The following EHD1 variants were observed in gnomAD, a reference collection of about 807,000 sequenced individuals.
EHD1 encodes the protein EH domain-containing protein 1.
Under a neutral mutation model 39.0 loss-of-function variants are expected in EHD1, and 19 were observed. The ratio of observed to expected loss-of-function variants is 0.49; its 90% confidence interval spans 0.34 to 0.72. The LOEUF is 0.72. Ranked by LOEUF, EHD1 falls within the 30% of genes least tolerant of loss-of-function variation. EHD1 has a pLI of 0.01. For missense variants in EHD1, 542 were observed against 751.5 expected, an observed-to-expected ratio of 0.72 and a Z score of 3.26; for synonymous variants, 323 against 331.2, an observed-to-expected ratio of 0.98 and a Z score of 0.27.
At chr11:64,860,502 A>C (rs180739097) in intron 2 of EHD1, among the ~76,000 whole-genome samples, 166 bp from the exon 3 acceptor site, 1 of 152,216 alleles carries the variant, frequency 6.6e-6, no homozygotes, top group African/African-American at 2.4e-5. Context: ...TGGGAGGCCA[A>C]GGTGGGAGGA....
intron 4 of EHD1, 175 bp from the exon 5 acceptor site, chr11:64,855,032 TC>T: frequency 1.1e-6 from 1 of 877,558 alleles, no homozygotes; most frequent in Non-Finnish European, 1.7e-6. Flanking sequence ...AGGAGGCACC[TC>T]CAGCTCTTTC....
intron 3 of EHD1, chr11:64,859,700 C>A (rs770208317): frequency 4.9e-6 from 3 of 610,182 alleles, no homozygotes; most frequent in Non-Finnish European, 8.2e-6. Flanking sequence ...AAACCACAAA[C>A]AGAACAGGTT....
intron 2 of EHD1, among the ~76,000 whole-genome samples, chr11:64,869,188 A>G (rs546074914): frequency 6.6e-6 from 1 of 152,374 alleles, no homozygotes; most frequent in African/African-American, 2.4e-5. Context: ...TCCCCAGCCC[A>G]CCGCCAGTGC....
At position 64,854,322 on chromosome 11, in the gene EHD1, G is replaced by T. The variant is rs370511627; in HGVS notation, c.*11C>A. ...CGGGCGTGCAAATGGCAGGTGCGGG[G>T]CCGGGCGCCATCACTCATGTCTGCG... On this transcript the variant is annotated 3_prime_UTR_variant, in exon 5 of 5. Coordinates refer to ENST00000320631, the MANE Select transcript of EHD1 (RefSeq NM_006795.4). The T allele has an allele frequency of 6.0e-5, 96 of 1,593,048 alleles. No individual in the cohort carries two copies. The highest frequency in any genetic ancestry group is 7.9e-5 in the Non-Finnish European group (93 of 1,171,526).
In EHD1 at chr11:64,854,272, C is replaced by T; in HGVS notation, c.*61G>A. 1 of 1,522,432 alleles carries T rather than the reference C, an allele frequency of 6.6e-7. No individual in the cohort carries two copies. 94.3% of individuals were successfully genotyped at this position (1,522,432 alleles called of 1,614,324 possible). A position where few individuals can be genotyped will look rare whatever the true frequency, so the allele number is the denominator to read the frequency against. ...GACCTTGAGAAATGGTGAGGCTTCCCCTCCCCCCGTCTCTGCCTCCCGGCC... is the reference window on the plus strand; with the variant it reads ...GACCTTGAGAAATGGTGAGGCTTCCTCTCCCCCCGTCTCTGCCTCCCGGCC... On this transcript the variant is annotated 3_prime_UTR_variant, in exon 5 of 5. Transcript: ENST00000320631.
chr11:64,879,675 T>G, upstream of EHD1: 1 of 1,550,206 alleles, frequency 6.5e-7, no homozygotes, highest in Non-Finnish European at 8.7e-7. Flanking sequence ...CACAGACCCC[T>G]TTGGCTGTCC....
intron 2 of EHD1, among the ~76,000 whole-genome samples, chr11:64,871,366 C>T (rs1052393815): frequency 1.1e-4 from 17 of 152,290 alleles, no homozygotes; most frequent in African/African-American, 2.9e-4. Context: ...ACAGGCCACA[C>T]GGGCCTTTCC....
chr11:64,859,106 G>A (rs1432309208), intron 3 of EHD1, among the ~76,000 whole-genome samples: 1 of 152,286 alleles, frequency 6.6e-6, no homozygotes, highest in African/African-American at 2.4e-5. Flanking sequence ...TGCTCGCTCC[G>A]AGACGACACA....
chr11:64,855,725 C>T, intron 3 of EHD1: 1 of 553,036 alleles, frequency 1.8e-6, no homozygotes, highest in Non-Finnish European at 3.2e-6. Flanking sequence ...CAGGAAAACG[C>T]ACTTGAAACA....
chr11:64,864,017 C>A (rs904386020), intron 2 of EHD1, among the ~76,000 whole-genome samples: 1 of 152,226 alleles, frequency 6.6e-6, no homozygotes, highest in Non-Finnish European at 1.5e-5. Context: ...CAAGGACTTT[C>A]ATCCTTGAGC....
At chr11:64,859,901 G>T (rs749855042) in intron 3 of EHD1, 23 bp downstream of exon 3, 14 of 1,594,086 alleles carry the variant, frequency 8.8e-6, no homozygotes, top group Non-Finnish European at 1.1e-5. Flanking sequence ...GCAATAGGCT[G>T]CTCCCCTCAC....
chr11:64,873,410 A>G (rs1943850637), intron 2 of EHD1, among the ~76,000 whole-genome samples: 1 of 152,184 alleles, frequency 6.6e-6, no homozygotes, highest in South Asian at 2.1e-4. Flanking sequence ...ACACAGACTA[A>G]AGCTAATAAG....
At chr11:64,857,578 C>T (rs1342178367) in intron 3 of EHD1, among the ~76,000 whole-genome samples, 1 of 152,082 alleles carries the variant, frequency 6.6e-6, no homozygotes, top group African/African-American at 2.4e-5. Context: ...GAGGTGGGGC[C>T]CAGGGTACTT....
intron 2 of EHD1, among the ~76,000 whole-genome samples, chr11:64,873,768 C>T (rs1943855092): frequency 6.6e-6 from 1 of 151,854 alleles, no homozygotes; most frequent in Non-Finnish European, 1.5e-5. Flanking sequence ...GCTCTACCTC[C>T]TGGGTTCACG....
rs750305737 is a variant in EHD1, at chr11:64,854,456, C to A, written c.1482G>T (p.Gly494=). The stretch of plus-strand genomic sequence containing the variant: ...GCGCGAACTCCTCGTCGTCCAGCAG[C>A]CCGTCCTTGTCCACGTCGGCCAGCT... The part of the protein sequence containing the change: ...IWKLADVDKD[G]LLDDEEFALA... Residue 494 remains glycine (G), a synonymous_variant, in exon 5 of 5, where the codon GGG becomes GGT. Transcript: ENST00000320631. 1.4e-5 allele frequency: 22 copies of A among 1,614,048 alleles called. No homozygotes were observed. The highest frequency in any genetic ancestry group is 1.6e-4 in the Middle Eastern group (1 of 6,084).
intron 3 of EHD1, among the ~76,000 whole-genome samples, chr11:64,858,708 G>A (rs946502441): frequency 1.3e-5 from 2 of 152,240 alleles, no homozygotes; most frequent in Admixed American, 6.5e-5. Flanking sequence ...AGTCAGACAC[G>A]CCAAGGGCAT....
chr11:64,872,708 G>A (rs753596952), intron 2 of EHD1, among the ~76,000 whole-genome samples: 4 of 152,076 alleles, frequency 2.6e-5, no homozygotes, highest in Admixed American at 6.5e-5. Context: ...GAAACCAGAT[G>A]AGGGCCAGTG....
Position 64,854,347 on chromosome 11 carries a change from G to C in EHD1, c.1591C>G (p.Arg531Gly). The C allele has an allele frequency of 6.2e-7, 1 of 1,608,990 alleles. No individual in the cohort carries two copies. Among genetic ancestry groups the C allele is most frequent in the Non-Finnish European group, 8.5e-7 (1 of 1,178,606 alleles). The change falls in exon 5 of 5, where the codon CGC (arginine) becomes GGC (glycine). Residue 531 changes from arginine to glycine, a missense_variant. Arg to Gly is a moderately radical substitution (Grantham distance 125). Coordinates refer to ENST00000320631, the MANE Select transcript of EHD1 (RefSeq NM_006795.4). The part of the protein sequence containing the change: ...LPPHLVPPSK[R>G]RHE Reference sequence around the variant, plus strand: ...GCCGGGCGCCATCACTCATGTCTGCGCTTGGAGGGCGGCACCAGGTGCGGG... The same window carrying C: ...GCCGGGCGCCATCACTCATGTCTGCCCTTGGAGGGCGGCACCAGGTGCGGG...
In EHD1 at chr11:64,854,604, T is replaced by G; in HGVS notation, c.1334A>C (p.Lys445Thr). 6.2e-7 allele frequency: 1 copy of G among 1,614,064 alleles called. No individual in the cohort carries two copies. Among genetic ancestry groups the G allele is most frequent in the Non-Finnish European group, 8.5e-7 (1 of 1,179,974 alleles). ...DDVEWVVGKD[K>T]PTYDEIFYTL... The stretch of plus-strand genomic sequence containing the variant: ...GTAGAAGATCTCGTCGTAGGTGGGC[T>G]TGTCCTTGCCCACCACCCACTCCAC... Residue 445 changes from lysine (K) to threonine (T), a missense_variant, in exon 5 of 5, where the codon AAG (lysine) becomes ACG (threonine). Transcript: ENST00000320631.
Sources: allele counts gnomAD v4.1 joint callset (sites outside exome capture counted in the v4.1 genomes callset), GRCh38; gene constraint gnomAD v4.1.1; transcripts MANE v1.5; gene names NCBI Gene and HGNC (gene_info 2026-07-23, HGNC 2026-07-21).